Variants in NR6A1 observed in about 807,000 individuals in gnomAD.
The protein encoded by NR6A1 is nuclear receptor subfamily 6 group A member 1.
A neutral mutation model predicts 59.1 loss-of-function variants in NR6A1; 7 were observed. The ratio of observed to expected loss-of-function variants is 0.12; its 90% CI spans 0.07 to 0.22. The LOEUF (loss-of-function observed/expected upper bound fraction) is 0.22, where lower values mean the gene tolerates loss of function less well. Among genes scored for constraint, NR6A1 ranks in the 10% least tolerant of loss-of-function variants. The pLI, the probability that NR6A1 is intolerant of heterozygous loss-of-function variation, is 1.00. For missense variants in NR6A1, 468 were observed against 611.6 expected, an observed-to-expected ratio of 0.77 and a Z score of 2.48; for synonymous variants, 243 against 236.1, an observed-to-expected ratio of 1.03 and a Z score of -0.27.
intron 1 of NR6A1, among the ~76,000 whole-genome samples, chr9:124,751,814 T>C (rs966742982): frequency 2.0e-5 from 3 of 152,244 alleles, no homozygotes; most frequent in African/African-American, 7.2e-5. Flanking sequence ...CCTCAATTTC[T>C]TTCAAAGTAC....
chr9:124,524,685 A>G (rs1361611335), intron 9 of NR6A1, 36 bp downstream of exon 9: 3 of 1,605,664 alleles, frequency 1.9e-6, no homozygotes, highest in Non-Finnish European at 2.6e-6. Flanking sequence ...TAAGAGAAGC[A>G]AGGAAGGGTT....
At position 124,610,568 on chromosome 9, in the gene NR6A1, T is replaced by C. The variant is rs1270097432; in HGVS notation, c.143-55998A>G. ...ATACTGGCCTGAAGTTTTCTTTTTT[T>C]GTTGTATCTCTGCCAGGTTTTGGTA... is the stretch of plus-strand genomic sequence containing the variant. On this transcript the variant is annotated intron_variant, in intron 2 of 9. Coordinates refer to ENST00000487099, the MANE Select transcript of NR6A1 (RefSeq NM_033334.4). 3.9e-5 allele frequency among the ~76,000 whole-genome samples: 6 copies of C among 152,196 alleles called. No homozygotes were observed. The East Asian group carries it at 1.2e-3, about 29-fold the overall frequency.
chr9:124,755,378 T>C (rs1327772331), intron 1 of NR6A1, among the ~76,000 whole-genome samples: 1 of 152,194 alleles, frequency 6.6e-6, no homozygotes, highest in African/African-American at 2.4e-5. Context: ...CACACTGGCA[T>C]GTAATTTCAT....
chr9:124,639,659 A>G (rs1219450691), intron 2 of NR6A1, among the ~76,000 whole-genome samples: 1 of 152,210 alleles, frequency 6.6e-6, no homozygotes, highest in Non-Finnish European at 1.5e-5. Context: ...GAGGACCAAC[A>G]GAGAGCAACA....
intron 2 of NR6A1, among the ~76,000 whole-genome samples, chr9:124,689,411 AG>A (rs1011262256): frequency 5.9e-5 from 6 of 101,810 alleles, no homozygotes; most frequent in African/African-American, 2.7e-4. Context: ...GTCATTTTAA[AG>A]GGAAAAAAAG....
At chr9:124,724,730 C>T (rs562159083) in intron 2 of NR6A1, among the ~76,000 whole-genome samples, 4 of 152,272 alleles carry the variant, frequency 2.6e-5, no homozygotes, top group East Asian at 3.9e-4. Context: ...AAAAGTTTGG[C>T]GAGGAAGAAC....
chr9:124,644,154 G>A (rs979801602), intron 2 of NR6A1, among the ~76,000 whole-genome samples: 5 of 151,700 alleles, frequency 3.3e-5, no homozygotes, highest in African/African-American at 1.2e-4. Context: ...CACCCACCTC[G>A]GCCTCCCAAA....
intron 2 of NR6A1, among the ~76,000 whole-genome samples, chr9:124,715,381 G>A (rs986292033): frequency 2.0e-5 from 3 of 151,444 alleles, no homozygotes; most frequent in Non-Finnish European, 2.9e-5. Flanking sequence ...TATATTTTTA[G>A]AAAATTGGCC....
At chr9:124,565,131 A>T (rs896461021) in intron 2 of NR6A1, among the ~76,000 whole-genome samples, 3 of 152,184 alleles carry the variant, frequency 2.0e-5, no homozygotes, top group African/African-American at 7.2e-5. Context: ...AAGAGATTTT[A>T]AAAAAGAAGT....
At chr9:124,713,582 A>G (rs1012391018) in intron 2 of NR6A1, among the ~76,000 whole-genome samples, 1 of 152,160 alleles carries the variant, frequency 6.6e-6, no homozygotes, top group Non-Finnish European at 1.5e-5. Flanking sequence ...TAGGCAAAAG[A>G]CCTCAATAAA....
intron 2 of NR6A1, chr9:124,599,309 G>A (rs1048938639): frequency 2.4e-5 from 9 of 373,708 alleles, no homozygotes; most frequent in Non-Finnish European, 3.0e-5. Context: ...TGGGCGTGGC[G>A]GCGGGCGCCC....
At chr9:124,533,327 G>A (rs1833152792) in intron 7 of NR6A1, among the ~76,000 whole-genome samples, 1 of 152,228 alleles carries the variant, frequency 6.6e-6, no homozygotes, top group Non-Finnish European at 1.5e-5. Flanking sequence ...TGGACAAGGG[G>A]TTAGGTCAAC....
At chr9:124,639,062 G>C (rs1413636303) in intron 2 of NR6A1, among the ~76,000 whole-genome samples, 1 of 152,180 alleles carries the variant, frequency 6.6e-6, no homozygotes, top group Non-Finnish European at 1.5e-5. Flanking sequence ...TTATGGGCCG[G>C]ACCTAGTCTA....
chr9:124,680,549 T>C (rs748890203), intron 2 of NR6A1, among the ~76,000 whole-genome samples: 1 of 152,200 alleles, frequency 6.6e-6, no homozygotes, highest in Non-Finnish European at 1.5e-5. Context: ...TAAGCATTGA[T>C]AGATCAACCT....
chr9:124,536,217 C>T, intron 6 of NR6A1, 85 bp from the exon 7 acceptor site: 2 of 1,472,438 alleles, frequency 1.4e-6, no homozygotes, highest in Non-Finnish European at 1.8e-6. Context: ...CCCAAGGGCA[C>T]AAAGGGACCC....
intron 2 of NR6A1, among the ~76,000 whole-genome samples, chr9:124,595,345 C>T (rs868295202): frequency 2.6e-4 from 39 of 152,264 alleles, no homozygotes; most frequent in African/African-American, 7.5e-4. Context: ...CTATAATTAA[C>T]AGTAGTAAAT....
chr9:124,677,661 C>A (rs1334192159), intron 2 of NR6A1, among the ~76,000 whole-genome samples: 1 of 152,062 alleles, frequency 6.6e-6, no homozygotes, highest in Non-Finnish European at 1.5e-5. Context: ...TAACTACTAT[C>A]CAGATCAAAA....
At chr9:124,737,214 A>C (rs1166398211) in intron 1 of NR6A1, among the ~76,000 whole-genome samples, 1 of 152,240 alleles carries the variant, frequency 6.6e-6, no homozygotes, top group Admixed American at 6.5e-5. Flanking sequence ...AAAGATCCTG[A>C]TTATAAAATT....
chr9:124,687,298 ATTTAT>A (rs1838367652), intron 2 of NR6A1, among the ~76,000 whole-genome samples: 1 of 150,304 alleles, frequency 6.7e-6, no homozygotes, highest in Admixed American at 6.6e-5. Context: ...TTAATTATTT[ATTTAT>A]TTATTTATTT....
Sources: allele counts gnomAD v4.1 joint callset (sites outside exome capture counted in the v4.1 genomes callset), GRCh38; gene constraint gnomAD v4.1.1; transcripts MANE v1.5; gene names NCBI Gene and HGNC (gene_info 2026-07-23, HGNC 2026-07-21).